RNF213: variants seen among roughly 807,000 people sequenced by gnomAD.
RNF213 encodes the protein E3 ubiquitin-protein ligase RNF213.
In RNF213, 341 loss-of-function variants were observed where a neutral mutation model predicts 514.4. The observed-to-expected ratio is 0.66, with a 90% CI of 0.61 to 0.73. The LOEUF (loss-of-function observed/expected upper bound fraction) is 0.73. Among genes scored for constraint, RNF213 ranks in the 30% least tolerant of loss-of-function variants. The pLI, the probability that RNF213 is intolerant of heterozygous loss-of-function variation, is 0.00. For missense variants in RNF213, 5,767 were observed against 6,615.6 expected (o/e 0.87, Z 4.45); for synonymous variants, 2,655 against 2,658.2 (o/e 1.00, Z 0.04).
At chr17:80,280,877 A>T (rs892867052) in intron 3 of RNF213, among the ~76,000 whole-genome samples, 1 of 152,100 alleles carries the variant, frequency 6.6e-6, no homozygotes, top group Non-Finnish European at 1.5e-5. Flanking sequence ...ACGGGTGGAA[A>T]CATTCCCACG....
intron 29 of RNF213, among the ~76,000 whole-genome samples, chr17:80,349,431 C>T (rs890365183): frequency 2.0e-5 from 3 of 152,112 alleles, no homozygotes; most frequent in African/African-American, 7.2e-5. Context: ...AAGCATGAGT[C>T]GTACTATAAC....
At chr17:80,280,098 G>T (rs2044206402) in intron 3 of RNF213, among the ~76,000 whole-genome samples, 1 of 149,990 alleles carries the variant, frequency 6.7e-6, no homozygotes, top group African/African-American at 2.5e-5. Flanking sequence ...TTTCCTCTGT[G>T]GGCTGGGGCT....
intron 3 of RNF213, among the ~76,000 whole-genome samples, chr17:80,283,792 C>G (rs4073111): frequency 0.51 from 77,776 of 152,088 alleles, 20,290 homozygotes; most frequent in East Asian, 0.62. Context: ...TCCAGAGCCT[C>G]AGGATTCTCC....
At chr17:80,289,865 G>T in intron 6 of RNF213, 28 bp downstream of exon 6, 1 of 1,591,064 alleles carries the variant, frequency 6.3e-7, no homozygotes. Flanking sequence ...GGGGAGCAAA[G>T]GAGACCCTGC....
chr17:80,288,835 A>T lies in RNF213; in HGVS notation c.933+80A>T. The T allele has an allele frequency of 6.2e-7, 1 of 1,605,294 alleles. No homozygotes were observed. Among genetic ancestry groups the T allele is most frequent in the South Asian group, 1.1e-5 (1 of 90,834 alleles). On this transcript the variant is annotated intron_variant, in intron 5 of 67. Transcript: ENST00000582970. This position sits in a 1 kb window ranked among gnomAD's most constrained non-coding sequence, Gnocchi z 4.9. ...CGCCTCTTTCATTTAATTATTCAGC[A>T]AATATTTAAGTGCTGGGGATATAGC...
intron 3 of RNF213, among the ~76,000 whole-genome samples, chr17:80,279,982 C>T (rs1441256372): frequency 1.3e-5 from 2 of 152,230 alleles, no homozygotes; most frequent in Non-Finnish European, 2.9e-5. Context: ...CTCCCCCCAG[C>T]CCCTGCCCAT....
At chr17:80,338,534 A>C (rs2078053429) in intron 25 of RNF213, among the ~76,000 whole-genome samples, 1 of 152,098 alleles carries the variant, frequency 6.6e-6, no homozygotes, top group Non-Finnish European at 1.5e-5. Flanking sequence ...CTGTAAAGCC[A>C]GCACTTTGGG....
rs537534615 is a variant in RNF213, at chr17:80,318,794, C to T, written c.2902-396C>T. On this transcript the variant is annotated intron_variant, in intron 16 of 67. Coordinates refer to ENST00000582970, the MANE Select transcript of RNF213 (RefSeq NM_001256071.3). ...TTCACCGTGTTAGCCAGGATGGTCT[C>T]GATCTCCTGACCTCGTGATCCACCC... is the stretch of plus-strand genomic sequence containing the variant. Among the ~76,000 whole-genome samples the T allele has an allele frequency of 1.6e-4, 24 of 152,156 alleles. 1 individual carries two copies. The highest frequency in any genetic ancestry group is 5.3e-4 in the African/African-American group (22 of 41,530).
chr17:80,290,468 T>C lies in RNF213; in HGVS notation c.1113-102T>C, dbSNP rs768198475. ...GTGTGTGTGCGAGTGCATGTGTGTG[T>C]GCACGTGTGTGTGCGCACGTGTGTG... On this transcript the variant is annotated intron_variant, in intron 6 of 67. Coordinates refer to ENST00000582970, the MANE Select transcript of RNF213 (RefSeq NM_001256071.3). The C allele has an allele frequency of 1.6e-4, 226 of 1,380,458 alleles. 2 individuals are homozygous for C. The highest frequency in any genetic ancestry group is 1.1e-3 in the South Asian group (91 of 85,680). 85.5% of individuals were successfully genotyped at this position (1,380,458 alleles called of 1,614,324 possible). A position where few individuals can be genotyped will look rare whatever the true frequency, so the allele number is the denominator to read the frequency against.
chr17:80,322,277 T>C (rs960015561), intron 17 of RNF213, among the ~76,000 whole-genome samples: 3 of 144,992 alleles, frequency 2.1e-5, no homozygotes, highest in Non-Finnish European at 4.6e-5. Flanking sequence ...CCTCCCACTT[T>C]AGCCTCCCGA....
chr17:80,368,633 A>G (rs1481179980), intron 44 of RNF213, among the ~76,000 whole-genome samples: 1 of 152,108 alleles, frequency 6.6e-6, no homozygotes, highest in African/African-American at 2.4e-5. Context: ...GGGTTTCACC[A>G]TGTTGGCCAG....
In RNF213 at chr17:80,381,856, G is replaced by T; in HGVS notation, c.13978+129G>T. 5 of 909,906 alleles carry T rather than the reference G, an allele frequency of 5.5e-6. 1 individual carries two copies. In the East Asian group the frequency reaches 1.3e-4, roughly 24 times the overall value. 56.4% of individuals were successfully genotyped at this position (909,906 alleles called of 1,614,324 possible). On this transcript the variant is annotated intron_variant, in intron 57 of 67. Coordinates refer to ENST00000582970, the MANE Select transcript of RNF213 (RefSeq NM_001256071.3). ...TGTCTGTGCTGTTGCTGGAAAGAAT[G>T]AGAGAACACACAGAGAGAAAACCGT...
At chr17:80,368,756 A>G (rs964046623) in intron 44 of RNF213, among the ~76,000 whole-genome samples, 1 of 152,118 alleles carries the variant, frequency 6.6e-6, no homozygotes. Context: ...TTAATGCATC[A>G]GTATCATTCA....
intron 11 of RNF213, among the ~76,000 whole-genome samples, chr17:80,304,635 A>T (rs893837145): frequency 2.0e-5 from 3 of 148,666 alleles, no homozygotes; most frequent in African/African-American, 7.4e-5. Flanking sequence ...GTGAGACTCC[A>T]ACACAAATAA....
intron 16 of RNF213, among the ~76,000 whole-genome samples, chr17:80,318,396 A>G (rs912114018): frequency 1.3e-5 from 2 of 152,110 alleles, no homozygotes; most frequent in South Asian, 2.1e-4. Flanking sequence ...GCCTCCATCA[A>G]TGGGGCCCCA....
rs776114461 is a variant in RNF213 at position 80,345,099 on chromosome 17, T to C, written c.6764T>C (p.Met2255Thr). 5.6e-6 allele frequency: 9 copies of C among 1,614,156 alleles called. No individual in the cohort carries two copies. Among genetic ancestry groups the C allele is most frequent in the Non-Finnish European group, 7.6e-6 (9 of 1,180,034 alleles). Residue 2255 changes from methionine to threonine, a missense_variant, in exon 29 of 68, where the codon ATG becomes ACG. By Grantham distance (81) the Met-to-Thr change is moderately conservative. This residue lies in a region of RNF213 where 1,377 missense variants were observed against 1,635.2 expected (regional missense o/e 0.84). Coordinates refer to ENST00000582970, the MANE Select transcript of RNF213 (RefSeq NM_001256071.3). This position sits in a 1 kb window ranked among gnomAD's most constrained non-coding sequence, Gnocchi z 6.0. The stretch of plus-strand genomic sequence containing the variant: ...TTCAAGAAGTTCGTGGTGACCTTCA[T>C]GATCTTTATGGCAAGAGATTTTGCC... ...RGFKKFVVTF[M>T]IFMARDFATP...
intron 11 of RNF213, 38 bp from the exon 12 acceptor site, chr17:80,306,214 C>G (rs1379593188): frequency 1.9e-6 from 3 of 1,589,898 alleles, no homozygotes; most frequent in Non-Finnish European, 2.6e-6. Flanking sequence ...ACTGATCTCA[C>G]TGCGTCTCTT....
At chr17:80,348,419 C>A (rs1296563198) in intron 29 of RNF213, 133 bp downstream of exon 29, 3 of 1,291,572 alleles carry the variant, frequency 2.3e-6, no homozygotes, top group Non-Finnish European at 2.2e-6. Context: ...GCTGAGCTCT[C>A]CTCCGCGGTA....
At position 80,376,873 on chromosome 17, in the gene RNF213, G is replaced by T; in HGVS notation, c.13429-9G>T. The T allele has an allele frequency of 6.2e-7, 1 of 1,613,440 alleles. No homozygotes were observed. Among genetic ancestry groups the T allele is most frequent in the Non-Finnish European group, 8.5e-7 (1 of 1,179,604 alleles). Reference sequence around the variant, plus strand: ...TATCTAGAGCTGTCTCTGTCTTCTTGTTTTTCAGCATGCTTTTCTTCCAAC... The same window carrying T: ...TATCTAGAGCTGTCTCTGTCTTCTTTTTTTTCAGCATGCTTTTCTTCCAAC... On this transcript the variant is annotated splice_polypyrimidine_tract_variant and intron_variant, in intron 52 of 67. Transcript: ENST00000582970.
Sources: allele counts gnomAD v4.1 joint callset (sites outside exome capture counted in the v4.1 genomes callset), GRCh38; gene constraint gnomAD v4.1.1; regional missense constraint gnomAD v4.1.1; non-coding constraint Gnocchi (gnomAD v3.1); transcripts MANE v1.5; gene names NCBI Gene and HGNC (gene_info 2026-07-23, HGNC 2026-07-21).